Variants in DLC1 observed in about 807,000 individuals in gnomAD.
The protein encoded by DLC1 is rho GTPase-activating protein 7.
DLC1 carries 54 observed loss-of-function variants against 140.3 expected under a neutral mutation model. That is an observed-to-expected ratio of 0.38 (90% CI 0.31 to 0.48). The LOEUF is 0.48. DLC1 is among the 20% of genes least tolerant of loss of function. DLC1 has a pLI of 0.96. For synonymous variants in DLC1, 986 were observed against 728.1 expected, an observed-to-expected ratio of 1.35 and a Z score of -5.70; for missense variants, 2,536 against 1,907.0, an observed-to-expected ratio of 1.33 and a Z score of -6.14.
At position 13,345,547 on chromosome 8, in the gene DLC1, C is replaced by CTT. The variant is rs535092622; in HGVS notation, c.1315-40247_1315-40246dup. On this transcript the variant is annotated intron_variant, in intron 4 of 17. Transcript: ENST00000276297. ...GATTATCTGAAATTTTTCACTCACA[C>CTT]TTTTTTTTTTTTTTTTTTTTTTTGG... is the stretch of plus-strand genomic sequence containing the variant. Among the ~76,000 whole-genome samples the CTT allele has an allele frequency of 1.5e-3, 102 of 67,506 alleles. 4 individuals carry two copies. The highest frequency in any genetic ancestry group is 5.5e-3 in the African/African-American group (89 of 16,300). The allele number at this position is 67,506 out of a possible 152,430, so 44.3% of individuals were successfully genotyped here.
chr8:13,597,246 C>A (rs528896323), intron 1 of DLC1, among the ~76,000 whole-genome samples: 7 of 151,992 alleles, frequency 4.6e-5, no homozygotes, highest in Admixed American at 4.6e-4. Context: ...GATTTGTCAG[C>A]TTATATCTCA....
At chr8:13,232,961 G>A (rs1829115724) in intron 5 of DLC1, among the ~76,000 whole-genome samples, 1 of 152,214 alleles carries the variant, frequency 6.6e-6, no homozygotes, top group East Asian at 1.9e-4. Flanking sequence ...AATAAATAAT[G>A]AAATATTGAA....
At chr8:13,396,186 A>T (rs1482071177) in intron 3 of DLC1, among the ~76,000 whole-genome samples, 1 of 150,496 alleles carries the variant, frequency 6.6e-6, no homozygotes, top group African/African-American at 2.4e-5. Context: ...CGGCCTCCCG[A>T]GTAGCTGGGA....
chr8:13,329,624 T>C (rs1833505020), intron 4 of DLC1, among the ~76,000 whole-genome samples: 1 of 152,186 alleles, frequency 6.6e-6, no homozygotes, highest in South Asian at 2.1e-4. Flanking sequence ...TATTTTAAAC[T>C]CCTCATCTGT....
intron 1 of DLC1, among the ~76,000 whole-genome samples, chr8:13,594,946 G>C (rs186356952): frequency 6.6e-6 from 1 of 151,534 alleles, no homozygotes; most frequent in East Asian, 2.0e-4. Flanking sequence ...ACTATTGATT[G>C]ATTCTTAATC....
At chr8:13,595,444 C>A (rs1805651257) in intron 1 of DLC1, among the ~76,000 whole-genome samples, 1 of 151,894 alleles carries the variant, frequency 6.6e-6, no homozygotes, top group Admixed American at 6.6e-5. Flanking sequence ...ATTTTGTGTT[C>A]AGAATTTTGA....
At chr8:13,283,297 C>CAA (rs1314321038) in intron 5 of DLC1, among the ~76,000 whole-genome samples, 3 of 149,914 alleles carry the variant, frequency 2.0e-5, no homozygotes, top group African/African-American at 7.4e-5. Context: ...TACTGAAACA[C>CAA]ACACACACAC....
intron 5 of DLC1, among the ~76,000 whole-genome samples, chr8:13,137,563 T>C (rs1479413383): frequency 6.6e-6 from 1 of 151,736 alleles, no homozygotes; most frequent in Non-Finnish European, 1.5e-5. Context: ...TGTCATGCTC[T>C]TTTGCTCTTT....
intron 2 of DLC1, 32 bp from the exon 3 acceptor site, chr8:13,401,651 G>A (rs372050685): frequency 3.1e-6 from 5 of 1,595,936 alleles, no homozygotes; most frequent in Non-Finnish European, 4.3e-6. Flanking sequence ...TACTGAATCT[G>A]AAAGGCCATT....
chr8:13,219,322 A>T (rs1394863438), intron 5 of DLC1, among the ~76,000 whole-genome samples: 1 of 137,462 alleles, frequency 7.3e-6, no homozygotes, highest in Non-Finnish European at 1.6e-5. Flanking sequence ...GAATAGTTAT[A>T]TTCATATAAT....
chr8:13,542,704 T>C (rs1803526120), intron 1 of DLC1, among the ~76,000 whole-genome samples: 1 of 152,168 alleles, frequency 6.6e-6, no homozygotes, highest in African/African-American at 2.4e-5. Context: ...AGGCCTTACA[T>C]AATTTTTGTT....
At chr8:13,096,866 C>A (rs928396093) in intron 10 of DLC1, among the ~76,000 whole-genome samples, 1 of 152,076 alleles carries the variant, frequency 6.6e-6, no homozygotes, top group Non-Finnish European at 1.5e-5. Context: ...TGGTAGTGTG[C>A]GACTGGATAA....
At chr8:13,419,832 C>T (rs1243053319) in intron 2 of DLC1, among the ~76,000 whole-genome samples, 1 of 152,152 alleles carries the variant, frequency 6.6e-6, no homozygotes, top group Non-Finnish European at 1.5e-5. Flanking sequence ...GGCTGTGAAT[C>T]CATCTGGTCC....
rs750789954 is a variant in DLC1 at position 13,091,383 on chromosome 8, T to A, written c.3790A>T (p.Asn1264Tyr). The change falls in exon 14 of 18, where the codon AAT (asparagine) becomes TAT (tyrosine). Residue 1264 changes from asparagine to tyrosine, a missense_variant. Coordinates refer to ENST00000276297, the MANE Select transcript of DLC1 (RefSeq NM_182643.3). The stretch of plus-strand genomic sequence containing the variant: ...CCTTGAGTGGCAGCTAGGTTTTCAT[T>A]CAAATCTTTCTGATCTGGTTTGCCC... ...SLGKPDQKDL[N>Y]ENLAATQGLA... 1 of 1,614,082 alleles carries A rather than the reference T, an allele frequency of 6.2e-7. No homozygotes were observed. Among genetic ancestry groups the A allele is most frequent in the African/African-American group, 1.3e-5 (1 of 74,924 alleles).
chr8:13,151,601 G>A (rs1004559403), intron 5 of DLC1, among the ~76,000 whole-genome samples: 7 of 152,156 alleles, frequency 4.6e-5, no homozygotes, highest in African/African-American at 9.7e-5. Context: ...GCATATCAAC[G>A]GAAGAAAAGA....
intron 2 of DLC1, among the ~76,000 whole-genome samples, chr8:13,444,234 G>T (rs902231928): frequency 1.3e-5 from 2 of 152,060 alleles, no homozygotes; most frequent in African/African-American, 4.8e-5. Flanking sequence ...CTCACTCATA[G>T]GTGGGAGTTG....
intron 1 of DLC1, among the ~76,000 whole-genome samples, chr8:13,510,484 G>T (rs751787239): frequency 6.6e-6 from 1 of 152,098 alleles, no homozygotes; most frequent in Non-Finnish European, 1.5e-5. Flanking sequence ...ACAAGGACTT[G>T]TTGATTATAC....
rs148452876 is a variant in DLC1, at chr8:13,592,844, C to T, written c.-126+11693G>A. Among the ~76,000 whole-genome samples, 1,180 of 152,212 alleles carry T rather than the reference C, an allele frequency of 7.8e-3. 13 individuals carry two copies. Among genetic ancestry groups the T allele is most frequent in the African/African-American group, 0.027 (1,112 of 41,548 alleles). ...AGCAATGATTTGTCTCTGTTACACACATTTTGCCATGTTAGCGTCCCAATT... is the reference window on the plus strand; with the variant it reads ...AGCAATGATTTGTCTCTGTTACACATATTTTGCCATGTTAGCGTCCCAATT... On this transcript the variant is annotated intron_variant, in intron 1 of 1. Coordinates refer to the DLC1 transcript ENST00000631382.
At chr8:13,520,226 A>G (rs1286175965) in intron 1 of DLC1, among the ~76,000 whole-genome samples, 1 of 152,240 alleles carries the variant, frequency 6.6e-6, no homozygotes, top group Admixed American at 6.5e-5. Flanking sequence ...ACCAACCCAA[A>G]TGTCCATCAG....
Sources: gnomAD v4.1 joint callset for allele counts (sites outside exome capture counted in the v4.1 genomes callset) on GRCh38, gnomAD v4.1.1 for gene constraint, MANE v1.5 for transcripts, NCBI Gene and HGNC (gene_info 2026-07-23, HGNC 2026-07-21) for gene names.